Variants in REXO5 observed in about 807,000 individuals in gnomAD.
REXO5 encodes exonuclease NEF-sp.
Under a neutral mutation model 88.5 loss-of-function variants are expected in REXO5, and 48 were observed. The observed-to-expected ratio is 0.54, with a 90% CI of 0.43 to 0.69. REXO5 has a LOEUF of 0.69. Among genes scored for constraint, REXO5 ranks in the 30% least tolerant of loss-of-function variants. The pLI is 0.00. For synonymous variants in REXO5, 311 were observed against 336.5 expected, an observed-to-expected ratio of 0.92 and a Z score of 0.83; for missense variants, 749 against 912.2, an observed-to-expected ratio of 0.82 and a Z score of 2.30.
chr16:20,821,914 C>A lies in REXO5; in HGVS notation c.616+12C>A. On this transcript the variant is annotated intron_variant, in intron 6 of 19. Transcript: ENST00000261377. ...CTTTCCATTACAAGGTTGGCTTAGG[C>A]TTACTCTGATATTGCTAACAATGTA... 1 of 1,551,938 alleles carries A rather than the reference C, an allele frequency of 6.4e-7. No homozygotes were observed. Among genetic ancestry groups the A allele is most frequent in the Admixed American group, 2.2e-5 (1 of 46,064 alleles).
At chr16:20,841,794 C>T (rs564801097) in intron 15 of REXO5, among the ~76,000 whole-genome samples, 3 of 152,024 alleles carry the variant, frequency 2.0e-5, no homozygotes, top group Non-Finnish European at 4.4e-5. Flanking sequence ...TTAGTAGAGA[C>T]TGGGTTTCAC....
chr16:20,815,179 A>T, intron 4 of REXO5, 126 bp downstream of exon 4: 1 of 974,250 alleles, frequency 1.0e-6, no homozygotes, highest in Non-Finnish European at 1.5e-6. Context: ...AGAAAGCAAA[A>T]AGACCTTAGA....
chr16:20,840,445 A>C lies in REXO5; in HGVS notation c.1603A>C (p.Thr535Pro), dbSNP rs1329436642. The change falls in exon 15 of 20, where the codon ACT becomes CCT. Residue 535 changes from threonine to proline, a missense_variant. By Grantham distance (38) the Thr-to-Pro change is conservative. Transcript: ENST00000261377. ...AAGCTTTGGCCCAGTCCAGTCAATG[A>C]CTTTTGTTCTTGAAACCCGTCAGGT... Reference protein sequence around the residue: ...FKSFGPVQSMTFVLETRQPHL... With the variant: ...FKSFGPVQSMPFVLETRQPHL... 3.2e-6 allele frequency: 5 copies of C among 1,558,068 alleles called. No homozygotes were observed. Among genetic ancestry groups the C allele is most frequent in the Non-Finnish European group, 4.4e-6 (5 of 1,141,158 alleles).
chr16:20,813,198 C>T lies in REXO5; in HGVS notation c.147C>T (p.Arg49=), dbSNP rs2081027489. ...CTGATTAATCTTTGCAGAAAGCCCG[C>T]TTATCTACCATTTTATTTACTGACA... ...EESQPEAKKA[R]LSTILFTDNC... Residue 49 remains arginine (R), a synonymous_variant, in exon 3 of 20, where the codon CGC becomes CGT. Transcript: ENST00000261377. 6.2e-7 allele frequency: 1 copy of T among 1,611,696 alleles called. No homozygotes were observed. The highest frequency in any genetic ancestry group is 8.5e-7 in the Non-Finnish European group (1 of 1,177,898).
At chr16:20,825,636 T>A in intron 7 of REXO5, 197 bp from the exon 8 acceptor site, 1 of 561,552 alleles carries the variant, frequency 1.8e-6, no homozygotes, top group Non-Finnish European at 3.2e-6. Flanking sequence ...TACACTGTGT[T>A]GATCCTCTTA....
At chr16:20,826,605 C>G (rs1273501507) in intron 8 of REXO5, among the ~76,000 whole-genome samples, 1 of 152,152 alleles carries the variant, frequency 6.6e-6, no homozygotes, top group African/African-American at 2.4e-5. Flanking sequence ...TATGCACAAG[C>G]ATGTTTGTCA....
At chr16:20,834,984 C>G (rs2081403774) in intron 13 of REXO5, among the ~76,000 whole-genome samples, 1 of 152,126 alleles carries the variant, frequency 6.6e-6, no homozygotes, top group Non-Finnish European at 1.5e-5. Context: ...ATTCATTCTT[C>G]TTTGCAGCCT....
intron 15 of REXO5, among the ~76,000 whole-genome samples, chr16:20,841,051 C>T (rs960340718): frequency 3.9e-5 from 6 of 152,032 alleles, no homozygotes; most frequent in African/African-American, 1.4e-4. Flanking sequence ...GGTTAAGATA[C>T]AGGAGGAAGA....
rs1241422079 is a variant in REXO5 at position 20,844,030 on chromosome 16, G to A, written c.1719+4G>A. On this transcript the variant is annotated splice_donor_region_variant and intron_variant, in intron 16 of 19. Coordinates refer to ENST00000261377, the MANE Select transcript of REXO5 (RefSeq NM_030941.3). ...GGTAGATGGTATCTGCATCAAGGTAGGGTGACAAGAGAAAGCCCCCTTTGC... is the reference window on the plus strand; with the variant it reads ...GGTAGATGGTATCTGCATCAAGGTAAGGTGACAAGAGAAAGCCCCCTTTGC... 1.3e-6 allele frequency: 2 copies of A among 1,566,852 alleles called. No individual in the cohort carries two copies.
At chr16:20,845,542 T>C (rs1477504142) in intron 18 of REXO5, among the ~76,000 whole-genome samples, 1 of 152,158 alleles carries the variant, frequency 6.6e-6, no homozygotes, top group African/African-American at 2.4e-5. Context: ...GTGTGGTATA[T>C]ACACAAGATA....
chr16:20,825,611 C>A (rs1400769437), intron 7 of REXO5: 1 of 476,438 alleles, frequency 2.1e-6, no homozygotes, highest in East Asian at 3.3e-5. Flanking sequence ...TTGCATTCAT[C>A]TTCTTTGTGC....
intron 5 of REXO5, chr16:20,821,108 A>G (rs1192235006): frequency 6.6e-6 from 1 of 152,200 alleles, no homozygotes; most frequent in Non-Finnish European, 1.5e-5. Context: ...AGAATGAACC[A>G]TAAGGGAGAG....
chr16:20,806,760 C>G, intron 1 of REXO5, 55 bp downstream of exon 1: 1 of 1,050,214 alleles, frequency 9.5e-7, no homozygotes, highest in Non-Finnish European at 1.3e-6. Context: ...GGTGTCCAGT[C>G]CGCGGAACGG....
chr16:20,844,091 C>T (rs139767787), intron 16 of REXO5, 65 bp downstream of exon 16: 22,808 of 944,412 alleles, frequency 0.024, 421 homozygotes, highest in Middle Eastern at 0.083. Context: ...ATTTATAGTG[C>T]CCCAGGACAT....
intron 2 of REXO5, among the ~76,000 whole-genome samples, chr16:20,809,869 T>C (rs2080969768): frequency 6.6e-6 from 1 of 152,246 alleles, no homozygotes; most frequent in African/African-American, 2.4e-5. Context: ...CCCAGCTGTC[T>C]GTAATGTGCT....
chr16:20,820,524 ATATATATATATATATATATATTTTT>A (rs2081155748), intron 5 of REXO5, among the ~76,000 whole-genome samples: 1 of 3,472 alleles, frequency 2.9e-4, no homozygotes, highest in African/African-American at 1.3e-3. Context: ...ATATATATAT[ATATATATATATATATATATATTTTT>A]TTTTTTTTTT....
chr16:20,827,829 T>G (rs1401314459), intron 10 of REXO5, among the ~76,000 whole-genome samples: 1 of 152,124 alleles, frequency 6.6e-6, no homozygotes, highest in Non-Finnish European at 1.5e-5. Flanking sequence ...ATTCTAGAAG[T>G]CTGGTTGAGT....
rs559460421 is a variant in REXO5 at position 20,832,349 on chromosome 16, T to C, written c.1262+90T>C. The C allele has an allele frequency of 4.6e-4, 376 of 822,720 alleles. 1 individual carries two copies. The highest frequency in any genetic ancestry group is 6.4e-4 in the Non-Finnish European group (341 of 531,850). The allele number at this position is 822,720 out of a possible 1,614,324, so 51.0% of individuals were successfully genotyped here. On this transcript the variant is annotated intron_variant, in intron 12 of 19. Coordinates refer to ENST00000261377, the MANE Select transcript of REXO5 (RefSeq NM_030941.3). ...ACCTGAGAATGTTTTTATCCTCTTT[T>C]GAGTCTATTAAAAACTATTTACCAA...
intron 12 of REXO5, 86 bp from the exon 13 acceptor site, chr16:20,832,917 C>T: frequency 1.6e-6 from 2 of 1,234,792 alleles, no homozygotes; most frequent in Non-Finnish European, 1.1e-6. Context: ...TAGTGGCTAC[C>T]ATATTGTATA....
Sources: allele counts gnomAD v4.1 joint callset (sites outside exome capture counted in the v4.1 genomes callset), GRCh38; gene constraint gnomAD v4.1.1; transcripts MANE v1.5; gene names NCBI Gene and HGNC (gene_info 2026-07-23, HGNC 2026-07-21).